The following DCDC2 variants were observed in gnomAD, a reference collection of about 807,000 sequenced individuals.
The protein encoded by DCDC2 is doublecortin domain-containing protein 2.
In DCDC2, 40 loss-of-function variants were observed where a neutral mutation model predicts 50.2. That is an observed-to-expected ratio of 0.80 (90% CI 0.62 to 1.04). DCDC2 has a LOEUF of 1.04. Ranked by LOEUF, DCDC2 falls within the 50% of genes least tolerant of loss-of-function variation. The pLI, the probability that DCDC2 is intolerant of heterozygous loss-of-function variation, is 0.00. For synonymous variants in DCDC2, 234 were observed against 210.6 expected (o/e 1.11, Z -0.96); for missense variants, 570 against 581.9 (o/e 0.98, Z 0.21).
At chr6:24,289,859 T>C (rs929293883) in intron 5 of DCDC2, among the ~76,000 whole-genome samples, 1 of 150,760 alleles carries the variant, frequency 6.6e-6, no homozygotes, top group Non-Finnish European at 1.5e-5. Context: ...CCAAAAAAAA[T>C]TTTTTTTTGC....
chr6:24,252,038 C>T (rs936873798), intron 7 of DCDC2, among the ~76,000 whole-genome samples: 4 of 152,200 alleles, frequency 2.6e-5, no homozygotes, highest in African/African-American at 9.6e-5. Context: ...GCCACTACAG[C>T]TTTGCACACT....
intron 2 of DCDC2, among the ~76,000 whole-genome samples, chr6:24,350,641 T>C (rs967460493): frequency 6.6e-6 from 1 of 152,120 alleles, no homozygotes; most frequent in Non-Finnish European, 1.5e-5. Flanking sequence ...TTTTGAATTT[T>C]TTTGTGCTAC....
intron 2 of DCDC2, among the ~76,000 whole-genome samples, chr6:24,318,836 A>G (rs1759721354): frequency 6.7e-6 from 1 of 149,812 alleles, no homozygotes; most frequent in Non-Finnish European, 1.5e-5. Flanking sequence ...TTATCTGTTG[A>G]TGGACACTTA....
intron 7 of DCDC2, among the ~76,000 whole-genome samples, chr6:24,218,708 TG>T (rs1762033527): frequency 6.6e-6 from 1 of 152,196 alleles, no homozygotes; most frequent in Non-Finnish European, 1.5e-5. Flanking sequence ...AGGCTGGTCC[TG>T]AACTCCTGGG....
chr6:24,332,022 C>G (rs545035049), intron 2 of DCDC2, among the ~76,000 whole-genome samples: 1 of 152,142 alleles, frequency 6.6e-6, no homozygotes, highest in Admixed American at 6.6e-5. Context: ...AAGGAAGAGA[C>G]CCTGTGTGAA....
At chr6:24,360,474 TGACTGGCTG>T (rs1490301033), upstream of DCDC2, among the ~76,000 whole-genome samples, 17 of 152,340 alleles carry the variant, frequency 1.1e-4, no homozygotes, top group African/African-American at 3.1e-4. Flanking sequence ...GCTAAATGTC[TGACTGGCTG>T]TCCAAGAGCC....
intron 8 of DCDC2, among the ~76,000 whole-genome samples, chr6:24,190,802 A>G (rs1033349128): frequency 6.6e-6 from 1 of 152,236 alleles, no homozygotes; most frequent in Admixed American, 6.5e-5. Flanking sequence ...ATGATTCAAT[A>G]AGAGTATATG....
upstream of DCDC2, chr6:24,358,267 A>C (rs1032657878): frequency 1.4e-5 from 3 of 206,950 alleles, no homozygotes; most frequent in African/African-American, 2.3e-5. Context: ...TCCCAAATTA[A>C]AGCAATTAAG....
At chr6:24,350,220 A>T (rs182572340) in intron 2 of DCDC2, among the ~76,000 whole-genome samples, 4 of 152,348 alleles carry the variant, frequency 2.6e-5, no homozygotes, top group Admixed American at 2.6e-4. Flanking sequence ...TGACACGCAC[A>T]TTCTAGTTAG....
chr6:24,243,934 C>T (rs577997879), intron 7 of DCDC2, among the ~76,000 whole-genome samples: 4 of 152,196 alleles, frequency 2.6e-5, no homozygotes, highest in South Asian at 2.1e-4. Flanking sequence ...ATCTGCTTCA[C>T]GATTTTGGTT....
At chr6:24,274,532 T>G (rs1314970213) in intron 7 of DCDC2, among the ~76,000 whole-genome samples, 1 of 147,510 alleles carries the variant, frequency 6.8e-6, no homozygotes, top group Non-Finnish European at 1.5e-5. Flanking sequence ...AAAATGAGAT[T>G]TGTTTCCCTG....
chr6:24,369,045 A>G, the DCDC2 span, among the ~76,000 whole-genome samples: 1 of 149,526 alleles, frequency 6.7e-6, no homozygotes, highest in South Asian at 2.1e-4. Context: ...GAGGCAGGAG[A>G]ATTGCTTGAA....
At chr6:24,261,698 A>G (rs983635523) in intron 7 of DCDC2, among the ~76,000 whole-genome samples, 5 of 152,104 alleles carry the variant, frequency 3.3e-5, no homozygotes, top group African/African-American at 1.2e-4. Context: ...CCTGCCCCTA[A>G]TTTCCGAGGT....
intron 7 of DCDC2, chr6:24,205,383 C>T: frequency 1.4e-6 from 2 of 1,420,128 alleles, no homozygotes; most frequent in Non-Finnish European, 1.9e-6. Context: ...TAACATAGCC[C>T]TTTGTACAGG....
At chr6:24,350,416 C>T (rs1225517049) in intron 2 of DCDC2, among the ~76,000 whole-genome samples, 2 of 152,150 alleles carry the variant, frequency 1.3e-5, no homozygotes, top group Non-Finnish European at 2.9e-5. Context: ...CTGCATGACT[C>T]CACTGAAATG....
chr6:24,184,121 A>G (rs1265233106), intron 8 of DCDC2, among the ~76,000 whole-genome samples: 1 of 152,238 alleles, frequency 6.6e-6, no homozygotes, highest in South Asian at 2.1e-4. Flanking sequence ...AAGTAGGGCT[A>G]GGGTGTAAAC....
At chr6:24,253,882 T>G (rs1440590780) in intron 7 of DCDC2, among the ~76,000 whole-genome samples, 1 of 152,182 alleles carries the variant, frequency 6.6e-6, no homozygotes, top group African/African-American at 2.4e-5. Flanking sequence ...AAATCACTTG[T>G]TTCTTCAATC....
chr6:24,210,083 C>CCTGCCTGCCTGT (rs1358528282), intron 7 of DCDC2, among the ~76,000 whole-genome samples: 53 of 144,588 alleles, frequency 3.7e-4, no homozygotes, highest in African/African-American at 1.4e-3. Context: ...TGCCTGCCTG[C>CCTGCCTGCCTGT]CTGTCTGTCT....
chr6:24,234,563 G>C (rs982999743), intron 7 of DCDC2, among the ~76,000 whole-genome samples: 1 of 152,136 alleles, frequency 6.6e-6, no homozygotes, highest in African/African-American at 2.4e-5. Flanking sequence ...CCTAAACAAG[G>C]GTGGCGGTAG....
Sources: allele counts gnomAD v4.1 joint callset (sites outside exome capture counted in the v4.1 genomes callset), GRCh38; gene constraint gnomAD v4.1.1; transcripts MANE v1.5; gene names NCBI Gene and HGNC (gene_info 2026-07-23, HGNC 2026-07-21).